Variants in FAF1 observed in about 807,000 individuals in gnomAD.
FAF1 encodes the protein Fas associated factor 1.
Under a neutral mutation model 92.5 loss-of-function variants are expected in FAF1, and 25 were observed. That is an observed-to-expected ratio of 0.27 (90% CI 0.20 to 0.38). FAF1 has a LOEUF of 0.38. Ranked by LOEUF, FAF1 falls within the 10% of genes least tolerant of loss-of-function variation. The pLI is 1.00. For synonymous variants in FAF1, 234 were observed against 273.2 expected (o/e 0.86, Z 1.42); for missense variants, 636 against 793.3 (o/e 0.80, Z 2.38).
chr1:50,869,732 T>G (rs369489788), intron 1 of FAF1, among the ~76,000 whole-genome samples: 1 of 152,192 alleles, frequency 6.6e-6, no homozygotes, highest in Admixed American at 6.5e-5. Context: ...AGTTTTTTCT[T>G]TGAGGATGTA....
chr1:50,779,436 G>A (rs1435320379), intron 4 of FAF1, among the ~76,000 whole-genome samples: 1 of 152,046 alleles, frequency 6.6e-6, no homozygotes, highest in East Asian at 1.9e-4. Context: ...TGTATTTCTT[G>A]AATAACAAGA....
intron 1 of FAF1, among the ~76,000 whole-genome samples, chr1:50,875,353 G>A (rs1644561923): frequency 6.6e-6 from 1 of 151,714 alleles, no homozygotes; most frequent in African/African-American, 2.4e-5. Flanking sequence ...GGCTAAATGG[G>A]GCTAACATAT....
chr1:50,645,494 C>T (rs2124260473), intron 8 of FAF1, among the ~76,000 whole-genome samples: 1 of 152,278 alleles, frequency 6.6e-6, no homozygotes. Context: ...TATATCCCTG[C>T]TTATAGTGTG....
chr1:50,878,034 AG>A (rs1447786789), intron 1 of FAF1, among the ~76,000 whole-genome samples: 2 of 152,236 alleles, frequency 1.3e-5, no homozygotes, highest in Non-Finnish European at 2.9e-5. Flanking sequence ...AGCTCACAAA[AG>A]CTTCTGTAGT....
intron 1 of FAF1, among the ~76,000 whole-genome samples, chr1:50,933,151 T>C (rs1206503488): frequency 1.3e-5 from 2 of 152,166 alleles, no homozygotes; most frequent in African/African-American, 4.8e-5. Flanking sequence ...CAGGTAACAT[T>C]AGGCTCCTTG....
At chr1:50,703,145 G>A (rs1657541488) in intron 7 of FAF1, among the ~76,000 whole-genome samples, 1 of 152,012 alleles carries the variant, frequency 6.6e-6, no homozygotes, top group Admixed American at 6.6e-5. Context: ...CCTGAAACTG[G>A]TGAGATAGAT....
At chr1:50,851,648 C>T (rs1197380900) in intron 2 of FAF1, among the ~76,000 whole-genome samples, 2 of 152,262 alleles carry the variant, frequency 1.3e-5, no homozygotes, top group South Asian at 2.1e-4. Context: ...TTTACTGGGT[C>T]CTAAAGCCTC....
intron 5 of FAF1, among the ~76,000 whole-genome samples, chr1:50,742,713 G>T (rs1659436834): frequency 6.6e-6 from 1 of 152,160 alleles, no homozygotes. Context: ...GTTTCTCAAT[G>T]AATGAATGAA....
At chr1:50,933,076 C>A (rs1314275244) in intron 1 of FAF1, among the ~76,000 whole-genome samples, 2 of 152,188 alleles carry the variant, frequency 1.3e-5, no homozygotes, top group Admixed American at 6.5e-5. Flanking sequence ...TCCTCCTGGG[C>A]CTCCGTGCCT....
intron 8 of FAF1, among the ~76,000 whole-genome samples, chr1:50,642,432 C>T (rs1057291170): frequency 6.6e-6 from 1 of 152,130 alleles, no homozygotes; most frequent in Middle Eastern, 3.4e-3. Flanking sequence ...GGGGGGATCA[C>T]AAAGTCAGGA....
chr1:50,805,490 A>G (rs1280640451), intron 2 of FAF1, among the ~76,000 whole-genome samples: 1 of 152,222 alleles, frequency 6.6e-6, no homozygotes, highest in Non-Finnish European at 1.5e-5. Context: ...ACAAAAGGGG[A>G]AAATCATGAC....
intron 6 of FAF1, among the ~76,000 whole-genome samples, chr1:50,727,282 C>T (rs763131060): frequency 1.3e-5 from 2 of 152,166 alleles, no homozygotes; most frequent in Non-Finnish European, 2.9e-5. Context: ...CCAGATACAC[C>T]TCTATACATA....
intron 6 of FAF1, among the ~76,000 whole-genome samples, chr1:50,710,021 G>A (rs545730852): frequency 5.8e-4 from 88 of 152,278 alleles, no homozygotes; most frequent in African/African-American, 2.1e-3. Flanking sequence ...AAGGTGATGT[G>A]AAGAAAGGTT....
intron 14 of FAF1, among the ~76,000 whole-genome samples, chr1:50,535,993 G>A (rs866143766): frequency 5.9e-5 from 9 of 152,256 alleles, no homozygotes; most frequent in Middle Eastern, 3.4e-3. Context: ...AACCAGAAGA[G>A]GCTGACTCGA....
chr1:50,574,119 C>CT (rs1448661840), intron 12 of FAF1, among the ~76,000 whole-genome samples: 7 of 152,274 alleles, frequency 4.6e-5, no homozygotes. Context: ...GGGCGAGACT[C>CT]TGTCTAAAAA....
At chr1:50,501,645 A>G (rs1317420842) in intron 15 of FAF1, among the ~76,000 whole-genome samples, 1 of 149,794 alleles carries the variant, frequency 6.7e-6, no homozygotes, top group African/African-American at 2.5e-5. Flanking sequence ...TGGGTGACAG[A>G]GCAAGACTCC....
chr1:50,861,844 A>ATTCT (rs1420423949), intron 1 of FAF1, among the ~76,000 whole-genome samples: 5 of 151,898 alleles, frequency 3.3e-5, no homozygotes, highest in African/African-American at 1.2e-4. Flanking sequence ...ATCAGGTGAG[A>ATTCT]ACACAGCAAG....
At chr1:50,461,893 G>GA (rs1024580848) in intron 18 of FAF1, among the ~76,000 whole-genome samples, 10 of 123,514 alleles carry the variant, frequency 8.1e-5, no homozygotes, top group Non-Finnish European at 8.7e-5. Flanking sequence ...AAAAAAAAAA[G>GA]AAAAAAAAAA....
intron 17 of FAF1, among the ~76,000 whole-genome samples, chr1:50,484,309 G>A (rs1233742674): frequency 2.0e-5 from 3 of 151,918 alleles, no homozygotes; most frequent in African/African-American, 7.3e-5. Context: ...GATGATTTTT[G>A]CTTGCTTCTG....
Sources: gnomAD v4.1 joint callset for allele counts (sites outside exome capture counted in the v4.1 genomes callset) on GRCh38, gnomAD v4.1.1 for gene constraint, MANE v1.5 for transcripts, NCBI Gene and HGNC (gene_info 2026-07-23, HGNC 2026-07-21) for gene names.